SVOPL: variants seen among roughly 807,000 people sequenced by gnomAD.
SVOPL encodes SVOP like, also known as putative transporter SVOPL.
A neutral mutation model predicts 61.0 loss-of-function variants in SVOPL; 60 were observed. The observed-to-expected ratio is 0.98, with a 90% CI of 0.80 to 1.22. The LOEUF (loss-of-function observed/expected upper bound fraction) is 1.22. SVOPL is among the 50% of genes most tolerant of loss of function. The pLI, the probability that SVOPL is intolerant of heterozygous loss-of-function variation, is 0.00. For synonymous variants in SVOPL, 279 were observed against 250.0 expected, an observed-to-expected ratio of 1.12 and a Z score of -1.09; for missense variants, 662 against 643.9, an observed-to-expected ratio of 1.03 and a Z score of -0.30.
Position 138,627,355 on chromosome 7 carries a change from A to G in SVOPL, c.1176T>C (p.Thr392=). 1.9e-6 allele frequency: 3 copies of G among 1,611,034 alleles called. No homozygotes were observed. The highest frequency in any genetic ancestry group is 2.5e-6 in the Non-Finnish European group (3 of 1,177,214). ...AGCAATTAAACAGAAAATACCTTGA[A>G]GTGCAAATGTTGAGGAGAAGGAAGA... ...ALFFLLLNIC[T]SSAGLIGFLF... is the part of the protein sequence containing the mutation. The change falls in exon 12 of 16, where the codon ACT becomes ACC. Residue 392 remains threonine, a synonymous_variant. Transcript: ENST00000674285.
intron 4 of SVOPL, among the ~76,000 whole-genome samples, chr7:138,663,905 TCTG>T (rs1802126820): frequency 6.6e-6 from 1 of 152,178 alleles, no homozygotes; most frequent in Non-Finnish European, 1.5e-5. Context: ...CTGTCGCTGT[TCTG>T]CTTTTTTTCT....
intron 5 of SVOPL, chr7:138,660,934 A>T (rs994932775): frequency 1.7e-5 from 17 of 984,288 alleles, no homozygotes; most frequent in Middle Eastern, 1.0e-3. Context: ...ATATTTGATA[A>T]GGAAAAATTA....
At chr7:138,682,979 AAAAG>A (rs1379481088) in intron 1 of SVOPL, among the ~76,000 whole-genome samples, 1 of 150,772 alleles carries the variant, frequency 6.6e-6, no homozygotes, top group African/African-American at 2.5e-5. Context: ...AAAAAAAAAA[AAAAG>A]AAAAAAAAAA....
chr7:138,626,051 C>T lies in SVOPL; in HGVS notation c.1182-1G>A. On this transcript the variant is annotated splice_acceptor_variant, in intron 12 of 15. Transcript: ENST00000674285. LOFTEE classifies it high-confidence loss of function. The stretch of plus-strand genomic sequence containing the variant: ...GAAGAGGAAGCCAATCAGGCCGGCA[C>T]TAGAAAACAGGAAGCGGAGAGAAAT... 2 of 1,614,042 alleles carry T rather than the reference C, an allele frequency of 1.2e-6. No individual in the cohort carries two copies. The highest frequency in any genetic ancestry group is 1.3e-5 in the African/African-American group (1 of 74,992).
At chr7:138,657,073 T>C (rs754236401) in intron 6 of SVOPL, among the ~76,000 whole-genome samples, 2 of 152,028 alleles carry the variant, frequency 1.3e-5, no homozygotes, top group Non-Finnish European at 2.9e-5. Flanking sequence ...AAGCCTTATC[T>C]GTTTTGCCAA....
rs546689718 is a variant in SVOPL, at chr7:138,669,261, T to A, written c.273+2758A>T. On this transcript the variant is annotated intron_variant, in intron 4 of 15. Transcript: ENST00000674285. Reference sequence around the variant, plus strand: ...AGGCCAGGAGTAGAGACTAGCCTCTTCAAATTAGCCAGGTGTGGTGACCCA... The same window carrying A: ...AGGCCAGGAGTAGAGACTAGCCTCTACAAATTAGCCAGGTGTGGTGACCCA... Among the ~76,000 whole-genome samples, 3 of 152,112 alleles carry A rather than the reference T, an allele frequency of 2.0e-5. No homozygotes were observed. In the East Asian group the frequency reaches 5.8e-4, roughly 30 times the overall value.
rs1392904116 is a variant in SVOPL at position 138,644,766 on chromosome 7, T to C, written c.740A>G (p.Lys247Arg). The change falls in exon 9 of 16, where the codon AAG (lysine) becomes AGG (arginine). Residue 247 changes from lysine (K) to arginine (R), a missense_variant. Lys to Arg is a conservative substitution (Grantham distance 26, BLOSUM62 2). Transcript: ENST00000674285. ...AALATLERVAKMNRSVMPEGK... is the reference protein window; with the variant it reads ...AALATLERVARMNRSVMPEGK... ...CTCCGGCATGACCGAGCGGTTCATC[T>C]TGGCAACGCGCTCCAGAGTGGCCAG... 1.2e-6 allele frequency: 2 copies of C among 1,614,034 alleles called. No individual in the cohort carries two copies. The highest frequency in any genetic ancestry group is 2.2e-5 in the East Asian group (1 of 44,886).
intron 14 of SVOPL, among the ~76,000 whole-genome samples, chr7:138,614,392 C>A: frequency 7.3e-6 from 1 of 137,920 alleles, no homozygotes. Flanking sequence ...AGCATTTCAA[C>A]TTTTTTTTTT....
At chr7:138,622,234 G>C (rs28814874) in intron 13 of SVOPL, among the ~76,000 whole-genome samples, 776 of 36,982 alleles carry the variant, frequency 0.021, 13 homozygotes, top group African/African-American at 0.061. Context: ...ATCTATCTAT[G>C]TATCTATCTA....
chr7:138,641,165 C>T (rs1162979019), intron 9 of SVOPL, among the ~76,000 whole-genome samples: 5 of 150,616 alleles, frequency 3.3e-5, no homozygotes, highest in Non-Finnish European at 2.9e-5. Flanking sequence ...TACTACTGCA[C>T]TCCAACCGAG....
At chr7:138,639,384 T>A (rs1239433255) in intron 9 of SVOPL, among the ~76,000 whole-genome samples, 1 of 152,004 alleles carries the variant, frequency 6.6e-6, no homozygotes, top group Non-Finnish European at 1.5e-5. Context: ...CCCAGCACTT[T>A]GGGAGGCTGA....
chr7:138,633,591 T>G (rs1800320771), intron 9 of SVOPL, among the ~76,000 whole-genome samples: 1 of 143,858 alleles, frequency 7.0e-6, no homozygotes, highest in Non-Finnish European at 1.5e-5. Context: ...AAATCTCTTT[T>G]AACAGTCACC....
chr7:138,644,456 A>C (rs988836610), intron 9 of SVOPL, among the ~76,000 whole-genome samples: 6 of 152,214 alleles, frequency 3.9e-5, no homozygotes, highest in African/African-American at 1.4e-4. Context: ...ATTGACAATG[A>C]TGCCAAATCA....
At chr7:138,692,082 G>A (rs1049173191) in intron 1 of SVOPL, among the ~76,000 whole-genome samples, 6 of 151,940 alleles carry the variant, frequency 3.9e-5, no homozygotes, top group Admixed American at 3.3e-4. Flanking sequence ...AGGCCGAGGC[G>A]GGTGGATCAC....
At chr7:138,629,457 T>G (rs1417843896) in intron 10 of SVOPL, among the ~76,000 whole-genome samples, 1 of 152,140 alleles carries the variant, frequency 6.6e-6, no homozygotes, top group African/African-American at 2.4e-5. Context: ...GGTCTCGAAC[T>G]CCTGACCTCA....
chr7:138,633,272 AG>A (rs1312195363), intron 9 of SVOPL, among the ~76,000 whole-genome samples: 1 of 152,184 alleles, frequency 6.6e-6, no homozygotes, highest in Non-Finnish European at 1.5e-5. Flanking sequence ...GTCCCCTCCA[AG>A]TCTCATGTTG....
chr7:138,603,855 T>A (rs1237750270), intron 14 of SVOPL, among the ~76,000 whole-genome samples: 3 of 152,122 alleles, frequency 2.0e-5, no homozygotes, highest in Non-Finnish European at 4.4e-5. Context: ...ACCTTTCTCC[T>A]TGTGACAGAC....
At chr7:138,598,579 A>G (rs557287387) in intron 14 of SVOPL, among the ~76,000 whole-genome samples, 1 of 152,334 alleles carries the variant, frequency 6.6e-6, no homozygotes, top group Non-Finnish European at 1.5e-5. Flanking sequence ...CCCTAAAAGG[A>G]TCCTCAAGAG....
At position 138,628,193 on chromosome 7, in the gene SVOPL, C is replaced by T. The variant is rs138766521; in HGVS notation, c.1034G>A (p.Arg345Gln). Residue 345 changes from arginine (R) to glutamine (Q), a missense_variant, in exon 11 of 16, where the codon CGG (arginine) becomes CAG (glutamine). Arg to Gln is a conservative substitution (Grantham distance 43). Coordinates refer to ENST00000674285, the MANE Select transcript of SVOPL (RefSeq NM_001139456.2). ...YCHMFAPSDY[R>Q]TMIISTIGEI... ...ACCGATGGTGCTGATGATCATGGTC[C>T]GATAGTCAGAGGGTGCAAACATGTG... is the stretch of plus-strand genomic sequence containing the variant. 7.6e-5 allele frequency: 123 copies of T among 1,614,004 alleles called. No homozygotes were observed. Among genetic ancestry groups the T allele is most frequent in the Admixed American group, 2.0e-4 (12 of 59,970 alleles).
Sources: gnomAD v4.1 joint callset for allele counts (sites outside exome capture counted in the v4.1 genomes callset) on GRCh38, gnomAD v4.1.1 for gene constraint, MANE v1.5 for transcripts, NCBI Gene and HGNC (gene_info 2026-07-23, HGNC 2026-07-21) for gene names.